The following NUB1 variants were observed in gnomAD, a reference collection of about 807,000 sequenced individuals.
The protein encoded by NUB1 is NEDD8 ultimate buster 1.
NUB1 carries 41 observed loss-of-function variants against 77.1 expected under a neutral mutation model. That is an observed-to-expected ratio of 0.53 (90% CI 0.41 to 0.69). NUB1 has a LOEUF of 0.69. Among genes scored for constraint, NUB1 ranks in the 30% least tolerant of loss-of-function variants. The pLI is 0.00. For missense variants in NUB1, 643 were observed against 743.8 expected (o/e 0.86, Z 1.58); for synonymous variants, 257 against 281.0 (o/e 0.91, Z 0.85).
At chr7:151,352,037 T>C (rs1022011625) in intron 4 of NUB1, 4 of 455,224 alleles carry the variant, frequency 8.8e-6, no homozygotes, top group African/African-American at 8.0e-5. Context: ...CAGGGCTAGC[T>C]AGCGGGTGTA....
At chr7:151,358,790 C>T (rs1428830611) in intron 7 of NUB1, among the ~76,000 whole-genome samples, 1 of 152,138 alleles carries the variant, frequency 6.6e-6, no homozygotes, top group Non-Finnish European at 1.5e-5. Flanking sequence ...TGGGGCCGGG[C>T]GCGGTGGCTC....
At chr7:151,358,454 C>T (rs983316411) in intron 7 of NUB1, among the ~76,000 whole-genome samples, 7 of 152,186 alleles carry the variant, frequency 4.6e-5, no homozygotes, top group South Asian at 2.1e-4. Context: ...GGCAAGTGAG[C>T]GTCACCGCCT....
intron 4 of NUB1, among the ~76,000 whole-genome samples, chr7:151,351,878 G>T (rs1191531272): frequency 1.3e-5 from 2 of 150,012 alleles, no homozygotes; most frequent in African/African-American, 4.9e-5. Context: ...CTTCAGCACG[G>T]TGTTTTATCT....
chr7:151,370,659 C>T (rs1797914247), intron 11 of NUB1, among the ~76,000 whole-genome samples: 1 of 151,640 alleles, frequency 6.6e-6, no homozygotes, highest in Non-Finnish European at 1.5e-5. Context: ...CGTCATTTAG[C>T]ATTAGGTATA....
intron 5 of NUB1, among the ~76,000 whole-genome samples, chr7:151,354,663 A>G (rs1363965887): frequency 6.6e-6 from 1 of 152,146 alleles, no homozygotes; most frequent in South Asian, 2.1e-4. Context: ...TAATTTATGT[A>G]TGAGGAAACT....
chr7:151,372,942 A>G (rs1798029175), intron 11 of NUB1, among the ~76,000 whole-genome samples: 1 of 152,164 alleles, frequency 6.6e-6, no homozygotes, highest in African/African-American at 2.4e-5. Context: ...GAGACAGGCC[A>G]TGAGTCTACA....
chr7:151,358,295 G>T (rs1403022589), intron 7 of NUB1, among the ~76,000 whole-genome samples: 4 of 152,142 alleles, frequency 2.6e-5, no homozygotes, highest in Non-Finnish European at 5.9e-5. Flanking sequence ...TGAAAATGAT[G>T]ATTACTTGCC....
Position 151,377,307 on chromosome 7 carries a change from C to A in NUB1, c.*82C>A. ...GCTAATGCAGCTCTTTCTGTTCTTA[C>A]TTTTTATCTGAATTACAAGTCCTCT... On this transcript the variant is annotated 3_prime_UTR_variant, in exon 15 of 15. Coordinates refer to ENST00000568733, the MANE Select transcript of NUB1 (RefSeq NM_001243351.2). 1.4e-4 allele frequency: 108 copies of A among 775,994 alleles called. No homozygotes were observed. Among genetic ancestry groups the A allele is most frequent in the Middle Eastern group, 4.3e-4 (1 of 2,348 alleles). 48.1% of individuals were successfully genotyped at this position (775,994 alleles called of 1,614,324 possible).
At chr7:151,345,927 G>A (rs1218696467) in intron 2 of NUB1, among the ~76,000 whole-genome samples, 2 of 152,004 alleles carry the variant, frequency 1.3e-5, no homozygotes, top group Non-Finnish European at 2.9e-5. Flanking sequence ...TCTAACAGTT[G>A]TATCTCAGTT....
At chr7:151,372,015 C>T (rs536394847) in intron 11 of NUB1, among the ~76,000 whole-genome samples, 13 of 152,332 alleles carry the variant, frequency 8.5e-5, no homozygotes, top group African/African-American at 3.1e-4. Flanking sequence ...GCCTTTAATA[C>T]ATAATTATTA....
rs150641405 is a variant in NUB1 at position 151,352,720 on chromosome 7, G to A, written c.345-92G>A. The A allele has an allele frequency of 3.1e-3, 2,469 of 788,782 alleles. 35 individuals carry two copies. In the African/African-American group the frequency reaches 0.038, roughly 12 times the overall value. The allele number at this position is 788,782 out of a possible 1,614,324, so 48.9% of individuals were successfully genotyped here. ...GGCCTCCCAGGGTGTTGGGATTACA[G>A]GCGTGAGCCACCGGGCCTGGCTAAT... On this transcript the variant is annotated intron_variant, in intron 4 of 14. Coordinates refer to ENST00000568733, the MANE Select transcript of NUB1 (RefSeq NM_001243351.2).
chr7:151,351,509 A>G, intron 4 of NUB1, 27 bp downstream of exon 4: 3 of 1,578,240 alleles, frequency 1.9e-6, no homozygotes, highest in Non-Finnish European at 2.6e-6. Flanking sequence ...TCTGTGTCCT[A>G]GGTGCTCTGG....
At chr7:151,361,893 G>T (rs1463638817) in intron 8 of NUB1, among the ~76,000 whole-genome samples, 3 of 152,062 alleles carry the variant, frequency 2.0e-5, no homozygotes, top group African/African-American at 7.2e-5. Context: ...TTTAAATTAG[G>T]TCCTAAAAGT....
rs1170082559 is a variant in NUB1 at position 151,356,216 on chromosome 7, A to G, written c.687A>G (p.Glu229=). Residue 229 remains glutamate, a synonymous_variant, in exon 7 of 15, where the codon GAA becomes GAG. Transcript: ENST00000568733. The part of the protein sequence containing the change: ...TGRSIRIPPS[E]RKALMLAMGY... The stretch of plus-strand genomic sequence containing the variant: ...GATCAATCAGAATTCCCCCATCAGA[A>G]AGAAAAGTAAGTACTATGAGAAATG... The G allele has an allele frequency of 1.2e-6, 2 of 1,607,120 alleles. No homozygotes were observed. The highest frequency in any genetic ancestry group is 2.2e-5 in the South Asian group (2 of 90,824).
At chr7:151,365,698 C>T (rs1236719235) in intron 8 of NUB1, among the ~76,000 whole-genome samples, 4 of 152,184 alleles carry the variant, frequency 2.6e-5, no homozygotes, top group African/African-American at 4.8e-5. Context: ...TGTGTGTCTG[C>T]GTGCACACGT....
intron 7 of NUB1, among the ~76,000 whole-genome samples, chr7:151,359,910 C>G (rs1303531093): frequency 6.6e-6 from 1 of 152,134 alleles, no homozygotes; most frequent in Non-Finnish European, 1.5e-5. Context: ...AAGCAAAGGG[C>G]CAAGTGCTGG....
At chr7:151,352,729 C>T in intron 4 of NUB1, 83 bp from the exon 5 acceptor site, 1 of 848,342 alleles carries the variant, frequency 1.2e-6, no homozygotes, top group Non-Finnish European at 2.0e-6. Flanking sequence ...AGGCGTGAGC[C>T]ACCGGGCCTG....
At chr7:151,373,882 C>G (rs1364753605) in intron 11 of NUB1, among the ~76,000 whole-genome samples, 1 of 152,236 alleles carries the variant, frequency 6.6e-6, no homozygotes, top group African/African-American at 2.4e-5. Context: ...CTCACTTCCA[C>G]TGCCTGCCTC....
In NUB1 at chr7:151,352,732, C is replaced by A. The variant is rs444648; in HGVS notation, c.345-80C>A. The A allele has an allele frequency of 3.3e-6, 3 of 899,918 alleles. No individual in the cohort carries two copies. The African/African-American group carries it at 5.1e-5, about 15-fold the overall frequency. 55.7% of individuals were successfully genotyped at this position (899,918 alleles called of 1,614,324 possible). A position where few individuals can be genotyped will look rare whatever the true frequency, so the allele number is the denominator to read the frequency against. On this transcript the variant is annotated intron_variant, in intron 4 of 14. Coordinates refer to ENST00000568733, the MANE Select transcript of NUB1 (RefSeq NM_001243351.2). ...TGTTGGGATTACAGGCGTGAGCCACCGGGCCTGGCTAATGTCTTTTTAATG... is the reference window on the plus strand; with the variant it reads ...TGTTGGGATTACAGGCGTGAGCCACAGGGCCTGGCTAATGTCTTTTTAATG...
Sources: gnomAD v4.1 joint callset for allele counts (sites outside exome capture counted in the v4.1 genomes callset) on GRCh38, gnomAD v4.1.1 for gene constraint, MANE v1.5 for transcripts, NCBI Gene and HGNC (gene_info 2026-07-23, HGNC 2026-07-21) for gene names.